The following SLC9A2 variants were observed in gnomAD, a reference collection of about 807,000 sequenced individuals.
The protein encoded by SLC9A2 is solute carrier family 9 member A2, also known as sodium/hydrogen exchanger 2.
Under a neutral mutation model 71.7 loss-of-function variants are expected in SLC9A2, and 42 were observed. The observed-to-expected ratio is 0.59, with a 90% confidence interval of 0.46 to 0.76. SLC9A2 has a LOEUF of 0.76. Among genes scored for constraint, SLC9A2 ranks in the 30% least tolerant of loss-of-function variants. The pLI, the probability that SLC9A2 is intolerant of heterozygous loss-of-function variation, is 0.00. For missense variants in SLC9A2, 829 were observed against 1,017.4 expected (o/e 0.81, Z 2.52); for synonymous variants, 396 against 392.5 (o/e 1.01, Z -0.10).
chr2:102,704,694 C>G lies in SLC9A2; in HGVS notation c.1977+19C>G. On this transcript the variant is annotated intron_variant, in intron 10 of 11. Coordinates refer to ENST00000233969, the MANE Select transcript of SLC9A2 (RefSeq NM_003048.6). Reference sequence around the variant, plus strand: ...ACACAGGGTAACTGAGTGTGCGCCTCTAGGAGACTTCCAGGGGTGGAGCCG... The same window carrying G: ...ACACAGGGTAACTGAGTGTGCGCCTGTAGGAGACTTCCAGGGGTGGAGCCG... The G allele has an allele frequency of 6.2e-7, 1 of 1,605,420 alleles. No homozygotes were observed. The highest frequency in any genetic ancestry group is 8.5e-7 in the Non-Finnish European group (1 of 1,174,314).
intron 1 of SLC9A2, among the ~76,000 whole-genome samples, chr2:102,626,155 T>C (rs1286025635): frequency 1.3e-5 from 2 of 152,156 alleles, no homozygotes; most frequent in African/African-American, 4.8e-5. Context: ...GGCATCACGC[T>C]ACCTGACTTC....
At chr2:102,685,591 C>G (rs1352426945) in intron 5 of SLC9A2, among the ~76,000 whole-genome samples, 1 of 152,172 alleles carries the variant, frequency 6.6e-6, no homozygotes, top group Non-Finnish European at 1.5e-5. Context: ...TCTGATGGAG[C>G]AACCTATGGG....
At chr2:102,650,351 C>T (rs974057498) in intron 1 of SLC9A2, among the ~76,000 whole-genome samples, 2 of 151,992 alleles carry the variant, frequency 1.3e-5, no homozygotes, top group African/African-American at 4.8e-5. Context: ...GGAGGGAGAG[C>T]ATTAGGACAA....
chr2:102,674,239 C>G (rs781404127), intron 3 of SLC9A2, among the ~76,000 whole-genome samples: 1 of 152,230 alleles, frequency 6.6e-6, no homozygotes, highest in Non-Finnish European at 1.5e-5. Flanking sequence ...GCTAGGAATA[C>G]AGCTACGGAG....
At chr2:102,660,394 G>C (rs1193534637) in intron 2 of SLC9A2, among the ~76,000 whole-genome samples, 1 of 152,176 alleles carries the variant, frequency 6.6e-6, no homozygotes, top group African/African-American at 2.4e-5. Context: ...TACTTGCCCT[G>C]GCTGAGAGTC....
intron 1 of SLC9A2, among the ~76,000 whole-genome samples, chr2:102,651,068 T>G (rs1245234350): frequency 6.6e-6 from 1 of 152,172 alleles, no homozygotes; most frequent in Admixed American, 6.5e-5. Context: ...ATCATCTGTC[T>G]CACATCCTTT....
chr2:102,680,765 T>C (rs1677438400), intron 3 of SLC9A2, among the ~76,000 whole-genome samples: 1 of 152,088 alleles, frequency 6.6e-6, no homozygotes, highest in Non-Finnish European at 1.5e-5. Flanking sequence ...TAGGTGAAAA[T>C]CCTGAGATGG....
chr2:102,700,966 TA>T, intron 7 of SLC9A2, 103 bp from the exon 8 acceptor site: 1 of 752,408 alleles, frequency 1.3e-6, no homozygotes, highest in Non-Finnish European at 2.2e-6. Context: ...ATGCTGCTAC[TA>T]AGTATTTTCC....
chr2:102,651,237 T>A (rs1009268529), intron 1 of SLC9A2, among the ~76,000 whole-genome samples: 3 of 152,232 alleles, frequency 2.0e-5, no homozygotes, highest in Non-Finnish European at 4.4e-5. Flanking sequence ...CTTCTGTTTT[T>A]CAAAGGCAGC....
At chr2:102,623,026 T>C (rs912241729) in intron 1 of SLC9A2, among the ~76,000 whole-genome samples, 4 of 152,216 alleles carry the variant, frequency 2.6e-5, no homozygotes, top group African/African-American at 9.7e-5. Context: ...TCATGCTTGC[T>C]TGCATAACAG....
intron 11 of SLC9A2, among the ~76,000 whole-genome samples, chr2:102,707,048 T>C (rs1677992949): frequency 1.3e-5 from 2 of 152,062 alleles, no homozygotes; most frequent in African/African-American, 2.4e-5. Flanking sequence ...AAACATTAGA[T>C]ACACAGGACA....
At chr2:102,686,675 T>C (rs1677552562) in intron 5 of SLC9A2, 1 of 152,228 alleles carries the variant, frequency 6.6e-6, no homozygotes, top group Non-Finnish European at 1.5e-5. Flanking sequence ...TGAGACTTTA[T>C]GTGAGAAGTG....
At position 102,701,144 on chromosome 2, in the gene SLC9A2, C is replaced by A; in HGVS notation, c.1661C>A (p.Ser554Tyr). The A allele has an allele frequency of 6.2e-7, 1 of 1,611,408 alleles. No individual in the cohort carries two copies. Among genetic ancestry groups the A allele is most frequent in the South Asian group, 1.1e-5 (1 of 90,682 alleles). The change falls in exon 8 of 12, where the codon TCT (serine) becomes TAT (tyrosine). Residue 554 changes from serine to tyrosine, a missense_variant. Ser to Tyr is a moderately radical substitution (Grantham distance 144). Around this residue, in one of 3 missense-constraint regions of SLC9A2, gnomAD observed 500 missense variants for 726.3 expected, o/e 0.69. Coordinates refer to ENST00000233969, the MANE Select transcript of SLC9A2 (RefSeq NM_003048.6). ...AACCAACCAAAGTCAAGTATTGTAT[C>A]TTTATATAAAAAGCTTGAAATAAAA... Reference protein sequence around the residue: ...RENQPKSSIVSLYKKLEIKHA... With the variant: ...RENQPKSSIVYLYKKLEIKHA...
chr2:102,683,473 C>A lies in SLC9A2; in HGVS notation c.1217C>A (p.Ala406Asp). The change falls in exon 4 of 12, where the codon GCC becomes GAC. Residue 406 changes from alanine to aspartate, a missense_variant. By Grantham distance (126) the Ala-to-Asp change is moderately radical. Coordinates refer to ENST00000233969, the MANE Select transcript of SLC9A2 (RefSeq NM_003048.6). The part of the protein sequence containing the change: ...FTLAFCLMWR[A>D]LGVFVLTQVI... ...CTGGCCTTCTGCCTCATGTGGCGAG[C>A]CCTGGGTAATGAGTGCTTGTTTGCT... 1 of 1,613,634 alleles carries A rather than the reference C, an allele frequency of 6.2e-7. No homozygotes were observed. Among genetic ancestry groups the A allele is most frequent in the Non-Finnish European group, 8.5e-7 (1 of 1,179,564 alleles).
chr2:102,648,060 TA>T (rs1676760714), intron 1 of SLC9A2, among the ~76,000 whole-genome samples: 2 of 152,204 alleles, frequency 1.3e-5, no homozygotes, highest in Non-Finnish European at 2.9e-5. Flanking sequence ...TTCAGGTCAA[TA>T]TCCCTGATGA....
intron 3 of SLC9A2, among the ~76,000 whole-genome samples, chr2:102,675,335 C>T (rs1379025279): frequency 4.6e-5 from 7 of 152,126 alleles, no homozygotes; most frequent in Non-Finnish European, 8.8e-5. Context: ...CTGGTCTTGC[C>T]AGACCTGTTG....
rs752736161 is a variant in SLC9A2 at position 102,708,156 on chromosome 2, C to G, written c.2106C>G (p.Thr702=). The G allele has an allele frequency of 6.2e-7, 1 of 1,613,966 alleles. No homozygotes were observed. The highest frequency in any genetic ancestry group is 8.5e-7 in the Non-Finnish European group (1 of 1,179,952). The change falls in exon 12 of 12, where the codon ACC becomes ACG. Residue 702 remains threonine, a synonymous_variant. Transcript: ENST00000233969. The stretch of plus-strand genomic sequence containing the variant: ...GCGACTCAGACGCAGATGCCGGGAC[C>G]ACCGTGCTCAATTTGCAGCCCAGAG... ...NSSDSDADAG[T]TVLNLQPRAR...
At chr2:102,693,107 C>T (rs1009578061) in intron 5 of SLC9A2, among the ~76,000 whole-genome samples, 12 of 149,918 alleles carry the variant, frequency 8.0e-5, no homozygotes, top group African/African-American at 2.9e-4. Flanking sequence ...TTTTTCATTG[C>T]TATTGTAGGT....
intron 1 of SLC9A2, among the ~76,000 whole-genome samples, chr2:102,634,158 T>C (rs1676425168): frequency 6.6e-6 from 1 of 152,204 alleles, no homozygotes; most frequent in Non-Finnish European, 1.5e-5. Flanking sequence ...CACTCCTTGG[T>C]TGTCCATGAT....
Sources: gnomAD v4.1 joint callset for allele counts (sites outside exome capture counted in the v4.1 genomes callset) on GRCh38, gnomAD v4.1.1 for gene constraint, gnomAD v4.1.1 regional missense constraint, MANE v1.5 for transcripts, NCBI Gene and HGNC (gene_info 2026-07-23, HGNC 2026-07-21) for gene names.